MIDEAS: variants seen among roughly 807,000 people sequenced by gnomAD.
The protein encoded by MIDEAS is mitotic deacetylase-associated SANT domain protein.
MIDEAS carries 26 observed loss-of-function variants against 102.7 expected under a neutral mutation model. The ratio of observed to expected loss-of-function variants is 0.25; its 90% CI spans 0.19 to 0.35. The LOEUF (loss-of-function observed/expected upper bound fraction) is 0.35, where lower values mean the gene tolerates loss of function less well. Ranked by LOEUF, MIDEAS falls within the 10% of genes least tolerant of loss-of-function variation. MIDEAS has a pLI of 1.00. For synonymous variants in MIDEAS, 585 were observed against 591.0 expected (o/e 0.99, Z 0.15); for missense variants, 1,231 against 1,435.6 (o/e 0.86, Z 2.30).
upstream of MIDEAS, among the ~76,000 whole-genome samples, chr14:73,762,607 G>A (rs188107714): frequency 1.3e-5 from 2 of 152,288 alleles, no homozygotes; most frequent in South Asian, 2.1e-4. Context: ...CAGCGCTTCC[G>A]GGAAAGCCCT....
At position 73,737,052 on chromosome 14, in the gene MIDEAS, G is replaced by T; in HGVS notation, c.1695C>A (p.Val565=). ...EQNPAEHKPS[V]IVTRRRSTRI... is the part of the protein sequence containing the mutation. ...GGGTGGACCGCCTGCGGGTGACGAT[G>T]ACTGATGGCTTGTGCTCAGCAGGGT... is the stretch of plus-strand genomic sequence containing the variant. Residue 565 remains valine (V), a synonymous_variant, in exon 3 of 13, where the codon GTC becomes GTA. Coordinates refer to ENST00000423556, the MANE Select transcript of MIDEAS (RefSeq NM_001367710.1). The T allele has an allele frequency of 1.2e-6, 2 of 1,614,156 alleles. No homozygotes were observed. Among genetic ancestry groups the T allele is most frequent in the Non-Finnish European group, 1.7e-6 (2 of 1,180,024 alleles).
In MIDEAS at chr14:73,730,492, A is replaced by G. The variant is rs79908134; in HGVS notation, c.1750-507T>C. Among the ~76,000 whole-genome samples the G allele has an allele frequency of 5.3e-3, 811 of 152,324 alleles. 4 individuals carry two copies. Among genetic ancestry groups the G allele is most frequent in the African/African-American group, 0.019 (781 of 41,562 alleles). On this transcript the variant is annotated intron_variant, in intron 3 of 12. Coordinates refer to ENST00000423556, the MANE Select transcript of MIDEAS (RefSeq NM_001367710.1). ...CTTCATAACATGGTGCCTACCTAGT[A>G]AGTGCCTACTTCATGGGGTAACCAT...
At chr14:73,776,750 G>C (rs780759453) in intron 1 of MIDEAS, among the ~76,000 whole-genome samples, 1 of 151,902 alleles carries the variant, frequency 6.6e-6, no homozygotes, top group East Asian at 1.9e-4. Context: ...CCACTCTGCT[G>C]GGGAGGCTGC....
upstream of MIDEAS, among the ~76,000 whole-genome samples, chr14:73,764,967 G>A (rs2053582468): frequency 6.6e-6 from 1 of 152,242 alleles, no homozygotes; most frequent in African/African-American, 2.4e-5. Context: ...CGGGTGTAGG[G>A]AGAAGGACAA....
intron 1 of MIDEAS, among the ~76,000 whole-genome samples, chr14:73,756,305 C>CGCGT (rs1483532822): frequency 1.0e-5 from 1 of 99,108 alleles, no homozygotes; most frequent in East Asian, 2.9e-4. Flanking sequence ...TGCGCGCGCG[C>CGCGT]GTGCGCGCTG....
intron 1 of MIDEAS, among the ~76,000 whole-genome samples, chr14:73,766,050 T>C (rs1208004635): frequency 1.3e-5 from 2 of 152,134 alleles, no homozygotes; most frequent in East Asian, 3.8e-4. Flanking sequence ...CTGCTTCCCT[T>C]CCTCCCTTCC....
At chr14:73,726,160 G>T in intron 7 of MIDEAS, 52 bp from the exon 8 acceptor site, 2 of 1,417,074 alleles carry the variant, frequency 1.4e-6, no homozygotes, top group East Asian at 2.4e-5. Flanking sequence ...TGTCGGTGGT[G>T]GACGGAGCAT....
intron 3 of MIDEAS, among the ~76,000 whole-genome samples, chr14:73,730,615 G>A (rs60332512): frequency 0.062 from 9,463 of 152,116 alleles, 1,004 homozygotes; most frequent in African/African-American, 0.22. Context: ...CAGGCTCTGC[G>A]TTAGATGAAA....
intron 1 of MIDEAS, among the ~76,000 whole-genome samples, chr14:73,768,733 G>C (rs2053613420): frequency 6.6e-6 from 1 of 152,126 alleles, no homozygotes; most frequent in Non-Finnish European, 1.5e-5. Flanking sequence ...TGATCTGCCA[G>C]TGTCAGCTCC....
rs140451792 is a variant in MIDEAS at position 73,733,602 on chromosome 14, C to T, written c.1749+3396G>A. ...AGACTCCATCTCAAACCCCTGCCCC[C>T]GCCCAAAAAACCCAGAAACAAAAAC... On this transcript the variant is annotated intron_variant, in intron 3 of 12. Transcript: ENST00000423556. Among the ~76,000 whole-genome samples, 21 of 152,196 alleles carry T rather than the reference C, an allele frequency of 1.4e-4. No homozygotes were observed. In the East Asian group the frequency reaches 3.7e-3, roughly 27 times the overall value.
upstream of MIDEAS, among the ~76,000 whole-genome samples, chr14:73,761,083 A>G (rs1488471210): frequency 4.0e-5 from 6 of 151,832 alleles, no homozygotes; most frequent in East Asian, 1.2e-3. Context: ...GTGGTGGTGC[A>G]GTGGTGGTGG....
At chr14:73,740,832 G>C (rs1484990321) in intron 1 of MIDEAS, among the ~76,000 whole-genome samples, 1 of 152,204 alleles carries the variant, frequency 6.6e-6, no homozygotes, top group Non-Finnish European at 1.5e-5. Context: ...TTCCCGACGT[G>C]GCCACTCCTC....
Position 73,718,845 on chromosome 14 carries a change from A to AGCCCTTGTC in MIDEAS, c.3289_3297dup (p.Asp1097_Gly1099dup). On this transcript the variant is annotated inframe_insertion, in exon 13 of 13. Coordinates refer to ENST00000423556, the MANE Select transcript of MIDEAS (RefSeq NM_001367710.1). The stretch of plus-strand genomic sequence containing the variant: ...CTGGGCCAGCCTGGCTCCCGCGCTC[A>AGCCCTTGTC]GCCCTTGTCGCCCGCACCGCTCTCC... 6.8e-7 allele frequency: 1 copy of AGCCCTTGTC among 1,467,244 alleles called. No homozygotes were observed. Among genetic ancestry groups the AGCCCTTGTC allele is most frequent in the East Asian group, 2.6e-5 (1 of 38,032 alleles). 90.9% of individuals were successfully genotyped at this position (1,467,244 alleles called of 1,614,324 possible). A position where few individuals can be genotyped will look rare whatever the true frequency, so the allele number is the denominator to read the frequency against.
chr14:73,763,664 T>C (rs1006507826), upstream of MIDEAS, among the ~76,000 whole-genome samples: 1 of 152,182 alleles, frequency 6.6e-6, no homozygotes, highest in Non-Finnish European at 1.5e-5. Context: ...AAGTCCACAA[T>C]GCCAGCCAGG....
chr14:73,780,135 A>C (rs1330169002), intron 1 of MIDEAS, among the ~76,000 whole-genome samples: 1 of 148,994 alleles, frequency 6.7e-6, no homozygotes, highest in East Asian at 2.1e-4. Context: ...CGGCCTCCCA[A>C]AGTGCTGCGA....
intron 1 of MIDEAS, among the ~76,000 whole-genome samples, chr14:73,772,538 G>T (rs1306146973): frequency 2.0e-5 from 3 of 151,820 alleles, no homozygotes; most frequent in African/African-American, 7.3e-5. Flanking sequence ...TAGGTATCAT[G>T]AATTATACAG....
At chr14:73,745,583 G>C (rs1246614592) in intron 1 of MIDEAS, among the ~76,000 whole-genome samples, 2 of 152,164 alleles carry the variant, frequency 1.3e-5, no homozygotes, top group African/African-American at 4.8e-5. Context: ...CAGACATTCT[G>C]GGGTCTCCAG....
In MIDEAS at chr14:73,715,443, TTAAAA is replaced by T. The variant is rs1332323630; in HGVS notation, c.*3395_*3399del. The T allele has an allele frequency of 6.6e-6, 1 of 152,630 alleles. No homozygotes were observed. Among genetic ancestry groups the T allele is most frequent in the Non-Finnish European group, 1.5e-5 (1 of 68,046 alleles). The allele number at this position is 152,630 out of a possible 1,614,324, so 9.5% of individuals were successfully genotyped here. On this transcript the variant is annotated 3_prime_UTR_variant, in exon 13 of 13. Coordinates refer to ENST00000423556, the MANE Select transcript of MIDEAS (RefSeq NM_001367710.1). ...AAGGAATATACTTATTTATATGCTA[TTAAAA>T]TATCTGTACAATAATTACAGACTGT...
chr14:73,719,161 G>C, intron 12 of MIDEAS, 144 bp downstream of exon 12: 4 of 1,476,074 alleles, frequency 2.7e-6, no homozygotes, highest in Non-Finnish European at 3.6e-6. Context: ...GCCCCATGAC[G>C]TCACAGCCCT....
Sources: allele counts gnomAD v4.1 joint callset (sites outside exome capture counted in the v4.1 genomes callset), GRCh38; gene constraint gnomAD v4.1.1; transcripts MANE v1.5; gene names NCBI Gene and HGNC (gene_info 2026-07-23, HGNC 2026-07-21).